SUCLG2: variants seen among roughly 807,000 people sequenced by gnomAD.
SUCLG2 encodes the protein succinate--CoA ligase [GDP-forming] subunit beta, mitochondrial.
SUCLG2 carries 42 observed loss-of-function variants against 47.9 expected under a neutral mutation model. That is an observed-to-expected ratio of 0.88 (90% confidence interval 0.69 to 1.14). The LOEUF (loss-of-function observed/expected upper bound fraction) is 1.14, where lower values mean the gene tolerates loss of function less well. Among genes scored for constraint, SUCLG2 ranks in the 50% most tolerant of loss-of-function variants. SUCLG2 has a pLI of 0.00. For missense variants in SUCLG2, 571 were observed against 525.9 expected (o/e 1.09, Z -0.84); for synonymous variants, 195 against 197.3 (o/e 0.99, Z 0.10).
chr3:67,567,654 CT>C (rs1217349104), intron 2 of SUCLG2, among the ~76,000 whole-genome samples: 1 of 152,102 alleles, frequency 6.6e-6, no homozygotes, highest in Non-Finnish European at 1.5e-5. Flanking sequence ...TATTCAAGTC[CT>C]TCTTTATTCC....
intron 1 of SUCLG2, among the ~76,000 whole-genome samples, chr3:67,650,406 G>T (rs192236647): frequency 6.6e-6 from 1 of 152,202 alleles, no homozygotes; most frequent in Admixed American, 6.5e-5. Flanking sequence ...ACATTCCTCT[G>T]TAAGTCCCTG....
chr3:67,479,290 T>TAA lies in SUCLG2; in HGVS notation c.1062+16506_1062+16507dup, dbSNP rs199827903. Among the ~76,000 whole-genome samples, 25 of 141,992 alleles carry TAA rather than the reference T, an allele frequency of 1.8e-4. 1 individual carries two copies. In the South Asian group the frequency reaches 2.2e-3, roughly 13 times the overall value. The allele number at this position is 141,992 out of a possible 152,430, so 93.2% of individuals were successfully genotyped here. On this transcript the variant is annotated intron_variant, in intron 9 of 10. Transcript: ENST00000307227. ...GAGCTTGTACAAAGAGCCATCAAAG[T>TAA]AAAAAAAAAAAACAACAAAAGAAAA...
rs146732305 is a variant in SUCLG2 at position 67,425,888 on chromosome 3, A to T, written c.1063-25037T>A. 4.5e-3 allele frequency among the ~76,000 whole-genome samples: 692 copies of T among 152,354 alleles called. 4 individuals are homozygous for T. Among genetic ancestry groups the T allele is most frequent in the African/African-American group, 0.015 (642 of 41,572 alleles). The stretch of plus-strand genomic sequence containing the variant: ...TGTCGAGGTTTCCAATGACCCAAAA[A>T]TAAAATTTAGCCTCAAATAGAGACT... On this transcript the variant is annotated intron_variant, in intron 9 of 10. Coordinates refer to ENST00000307227, the MANE Select transcript of SUCLG2 (RefSeq NM_003848.4).
At chr3:67,376,350 G>C in intron 10 of SUCLG2, 1 of 985,400 alleles carries the variant, frequency 1.0e-6, no homozygotes. Context: ...AATGGGCTGA[G>C]CCCTTCAAAA....
intron 10 of SUCLG2, among the ~76,000 whole-genome samples, chr3:67,362,966 T>C (rs979302696): frequency 9.2e-5 from 14 of 152,144 alleles, no homozygotes; most frequent in Non-Finnish European, 1.9e-4. Context: ...GCTTGACTTC[T>C]AAAACCACAT....
intron 10 of SUCLG2, among the ~76,000 whole-genome samples, chr3:67,365,680 C>G (rs926426009): frequency 6.6e-6 from 1 of 152,136 alleles, no homozygotes; most frequent in Non-Finnish European, 1.5e-5. Context: ...ACATGTGTGA[C>G]TAAGCACGTG....
chr3:67,482,570 T>C lies in SUCLG2; in HGVS notation c.1062+13228A>G, dbSNP rs992036280. On this transcript the variant is annotated intron_variant, in intron 9 of 10. Coordinates refer to ENST00000307227, the MANE Select transcript of SUCLG2 (RefSeq NM_003848.4). ...CACTGTCAGCATTTGGATTAACTAT[T>C]TGGTCGTTCAGCTTAATGGAGAAGA... Among the ~76,000 whole-genome samples the C allele has an allele frequency of 3.3e-5, 5 of 152,318 alleles. No homozygotes were observed. In the East Asian group the frequency reaches 7.7e-4, roughly 24 times the overall value.
At chr3:67,525,082 C>A (rs112921681) in intron 4 of SUCLG2, among the ~76,000 whole-genome samples, 3,102 of 152,132 alleles carry the variant, frequency 0.02, 95 homozygotes, top group African/African-American at 0.071. Flanking sequence ...AAAACATATA[C>A]CAAACGTATA....
In SUCLG2 at chr3:67,558,855, C is replaced by T. The variant is rs567001367; in HGVS notation, c.227-29669G>A. Among the ~76,000 whole-genome samples the T allele has an allele frequency of 1.4e-4, 21 of 152,202 alleles. No individual in the cohort carries two copies. In the East Asian group the frequency reaches 3.7e-3, roughly 27 times the overall value. ...AGATCAATGATCCTTTTACCCTTAC[C>T]ATATGGTATAATTTTGTTAATTCCC... On this transcript the variant is annotated intron_variant, in intron 2 of 10. Coordinates refer to ENST00000307227, the MANE Select transcript of SUCLG2 (RefSeq NM_003848.4).
At chr3:67,430,202 T>TA (rs1159908553) in intron 9 of SUCLG2, among the ~76,000 whole-genome samples, 2 of 152,054 alleles carry the variant, frequency 1.3e-5, no homozygotes, top group Non-Finnish European at 2.9e-5. Context: ...GAGTTGGAAG[T>TA]AAAAAACTCA....
chr3:67,557,330 A>G (rs1347755891), intron 2 of SUCLG2, among the ~76,000 whole-genome samples: 1 of 152,180 alleles, frequency 6.6e-6, no homozygotes, highest in Non-Finnish European at 1.5e-5. Context: ...TTTCTAATGA[A>G]GAGAATAACC....
At chr3:67,486,302 G>A (rs1705049917) in intron 9 of SUCLG2, among the ~76,000 whole-genome samples, 1 of 151,910 alleles carries the variant, frequency 6.6e-6, no homozygotes, top group African/African-American at 2.4e-5. Context: ...AAAGAAAGAA[G>A]AAGGAAAGAA....
chr3:67,506,195 C>T (rs1187216538), intron 7 of SUCLG2, among the ~76,000 whole-genome samples: 18 of 152,014 alleles, frequency 1.2e-4, no homozygotes. Context: ...TAAATGACTG[C>T]TTTTACAGCT....
chr3:67,365,133 A>C (rs1453775460), intron 10 of SUCLG2, among the ~76,000 whole-genome samples: 1 of 152,232 alleles, frequency 6.6e-6, no homozygotes, highest in Admixed American at 6.5e-5. Context: ...AACAGACTGA[A>C]AAAGTGAAAA....
At chr3:67,475,016 G>T (rs1704711547) in intron 9 of SUCLG2, among the ~76,000 whole-genome samples, 1 of 142,512 alleles carries the variant, frequency 7.0e-6, no homozygotes, top group African/African-American at 2.8e-5. Flanking sequence ...AAAAAAAAAA[G>T]AGAGGAAAAA....
At chr3:67,514,042 G>A (rs1050161871) in intron 6 of SUCLG2, 24 of 356,844 alleles carry the variant, frequency 6.7e-5, no homozygotes, top group African/African-American at 1.1e-4. Flanking sequence ...GGCGCAAGCC[G>A]AGCGGTTGGC....
At chr3:67,580,796 GA>G (rs1206018509) in intron 2 of SUCLG2, among the ~76,000 whole-genome samples, 3 of 151,530 alleles carry the variant, frequency 2.0e-5, no homozygotes, top group Non-Finnish European at 2.9e-5. Flanking sequence ...TTGTCAGGGA[GA>G]AAAAAAAATT....
rs375087627 is a variant in SUCLG2 at position 67,495,846 on chromosome 3, C to G, written c.1014G>C (p.Lys338Asn). The G allele has an allele frequency of 5.6e-6, 9 of 1,613,892 alleles. No individual in the cohort carries two copies. The African/African-American group carries it at 1.2e-4, about 22-fold the overall frequency. ...ANFLDLGGGVKEAQVYQAFKL... is the reference protein window; with the variant it reads ...ANFLDLGGGVNEAQVYQAFKL... ...TGAATGCTTGATATACTTGAGCTTC[C>G]TTTACACCACCTCCAAGATCCAAGA... The change falls in exon 9 of 11, where the codon AAG becomes AAC. Residue 338 changes from lysine to asparagine, a missense_variant. Coordinates refer to ENST00000307227, the MANE Select transcript of SUCLG2 (RefSeq NM_003848.4).
chr3:67,580,435 GCTTT>G (rs1209699933), intron 2 of SUCLG2, among the ~76,000 whole-genome samples: 1 of 152,056 alleles, frequency 6.6e-6, no homozygotes, highest in African/African-American at 2.4e-5. Context: ...TTTTCAATAA[GCTTT>G]TTTTGATTAA....
Sources: allele counts gnomAD v4.1 joint callset (sites outside exome capture counted in the v4.1 genomes callset), GRCh38; gene constraint gnomAD v4.1.1; transcripts MANE v1.5; gene names NCBI Gene and HGNC (gene_info 2026-07-23, HGNC 2026-07-21).